The following CCDC91 variants were observed in gnomAD, a reference collection of about 807,000 sequenced individuals.
CCDC91 encodes coiled-coil domain containing 91.
A neutral mutation model predicts 63.2 loss-of-function variants in CCDC91; 48 were observed. The observed-to-expected ratio is 0.76, with a 90% confidence interval of 0.60 to 0.97. The LOEUF (loss-of-function observed/expected upper bound fraction) is 0.97, where lower values mean the gene tolerates loss of function less well. Ranked by LOEUF, CCDC91 falls within the 50% of genes least tolerant of loss-of-function variation. The pLI is 0.00. For synonymous variants in CCDC91, 167 were observed against 165.8 expected (o/e 1.01, Z -0.06); for missense variants, 500 against 494.6 (o/e 1.01, Z -0.10).
intron 12 of CCDC91, among the ~76,000 whole-genome samples, chr12:28,508,059 A>G (rs977565257): frequency 1.3e-5 from 2 of 151,942 alleles, no homozygotes; most frequent in Non-Finnish European, 2.9e-5. Context: ...GAGGGACTCA[A>G]CTGAGTACCA....
chr12:28,261,233 A>T (rs1946804195), intron 3 of CCDC91, among the ~76,000 whole-genome samples: 1 of 152,002 alleles, frequency 6.6e-6, no homozygotes, highest in African/African-American at 2.4e-5. Flanking sequence ...GACATGTATA[A>T]TATATTTAAG....
intron 3 of CCDC91, among the ~76,000 whole-genome samples, chr12:28,271,224 A>G (rs1377977725): frequency 6.6e-6 from 1 of 151,440 alleles, no homozygotes; most frequent in African/African-American, 2.5e-5. Context: ...AGGGAAACAG[A>G]GAGCATGTTT....
At chr12:28,469,260 A>G (rs1456592613) in intron 11 of CCDC91, among the ~76,000 whole-genome samples, 1 of 152,154 alleles carries the variant, frequency 6.6e-6, no homozygotes, top group Admixed American at 6.5e-5. Flanking sequence ...CAAAATCAAC[A>G]TACAAAAGTC....
chr12:28,259,705 T>G (rs1946700611), intron 3 of CCDC91, among the ~76,000 whole-genome samples: 1 of 151,920 alleles, frequency 6.6e-6, no homozygotes, highest in African/African-American at 2.4e-5. Flanking sequence ...ATTTTTAAAT[T>G]TATCTTAGTT....
intron 6 of CCDC91, among the ~76,000 whole-genome samples, chr12:28,357,534 A>G (rs147950013): frequency 6.6e-6 from 1 of 152,106 alleles, no homozygotes; most frequent in African/African-American, 2.4e-5. Context: ...TGTTTTATTG[A>G]GTTATATACA....
In CCDC91 at chr12:28,362,452, A is replaced by G; in HGVS notation, c.591A>G (p.Gln197=). The change falls in exon 7 of 13, where the codon CAA becomes CAG. Residue 197 remains glutamine (Q), a synonymous_variant. Transcript: ENST00000536442. ...TTTTCTTTCAGGAAAAACATAAACA[A>G]GAATTGGAAGACATGAGGAAAGCTG... ...RYKELQEKHK[Q]ELEDMRKAGH... is the part of the protein sequence containing the mutation. 6.3e-7 allele frequency: 1 copy of G among 1,586,980 alleles called. No individual in the cohort carries two copies. The highest frequency in any genetic ancestry group is 8.6e-7 in the Non-Finnish European group (1 of 1,166,070).
In CCDC91 at chr12:28,383,610, G is replaced by A. The variant is rs76494117; in HGVS notation, c.655-7694G>A. On this transcript the variant is annotated intron_variant, in intron 7 of 12. Coordinates refer to ENST00000536442, the MANE Select transcript of CCDC91 (RefSeq NM_018318.5). ...CCTAACTTCTGCCTGGCTGGGCTGC[G>A]GGAGACCATGATCCTGGACTTGAAT... is the stretch of plus-strand genomic sequence containing the variant. 9.2e-3 allele frequency among the ~76,000 whole-genome samples: 1,405 copies of A among 152,100 alleles called. 27 individuals are homozygous for A. The highest frequency in any genetic ancestry group is 0.032 in the African/African-American group (1,331 of 41,504).
intron 7 of CCDC91, among the ~76,000 whole-genome samples, chr12:28,370,446 G>A (rs888292148): frequency 2.0e-5 from 3 of 152,184 alleles, no homozygotes; most frequent in Non-Finnish European, 2.9e-5. Flanking sequence ...GACCACCTCA[G>A]CGTGGGCTTC....
intron 8 of CCDC91, among the ~76,000 whole-genome samples, chr12:28,419,228 G>C (rs2139872345): frequency 6.6e-6 from 1 of 152,226 alleles, no homozygotes; most frequent in Non-Finnish European, 1.5e-5. Context: ...AGTAAGAAAA[G>C]GATAAGCCCA....
At chr12:28,253,404 C>T (rs1239828301) in intron 1 of CCDC91, among the ~76,000 whole-genome samples, 1 of 152,194 alleles carries the variant, frequency 6.6e-6, no homozygotes, top group Non-Finnish European at 1.5e-5. Flanking sequence ...AGACCCTCAG[C>T]TTTACCCTGT....
chr12:28,327,636 C>T (rs184431697), intron 6 of CCDC91, among the ~76,000 whole-genome samples: 95 of 152,178 alleles, frequency 6.2e-4, no homozygotes, highest in African/African-American at 2.2e-3. Flanking sequence ...TTTCTTTTGC[C>T]TATTAAACCT....
chr12:28,305,801 G>C lies in CCDC91; in HGVS notation c.262G>C (p.Ala88Pro). ...CATTGTGAGTCAAACTATTCCAAAAGCACAGGTAAAGACAAACATATTTTT... is the reference window on the plus strand; with the variant it reads ...CATTGTGAGTCAAACTATTCCAAAACCACAGGTAAAGACAAACATATTTTT... The part of the protein sequence containing the change: ...NSIVSQTIPK[A>P]QIQQSTHTHL... The change falls in exon 4 of 13, where the codon GCA becomes CCA. Residue 88 changes from alanine (A) to proline (P), a missense_variant. Transcript: ENST00000536442. The C allele has an allele frequency of 6.2e-7, 1 of 1,611,126 alleles. No individual in the cohort carries two copies. Among genetic ancestry groups the C allele is most frequent in the Non-Finnish European group, 8.5e-7 (1 of 1,178,322 alleles).
At chr12:28,227,659 T>A (rs1944355077) in intron 1 of CCDC91, among the ~76,000 whole-genome samples, 1 of 152,082 alleles carries the variant, frequency 6.6e-6, no homozygotes, top group African/African-American at 2.4e-5. Context: ...TTAGTTTTCC[T>A]TTTCCTTATT....
rs141220566 is a variant in CCDC91 at position 28,339,530 on chromosome 12, A to G, written c.577-22908A>G. ...CGACTGTGGATCAAAAATATTTGGG[A>G]AAAAAAAAACAATAAAAATAATATA... is the stretch of plus-strand genomic sequence containing the variant. On this transcript the variant is annotated intron_variant, in intron 6 of 12. Coordinates refer to ENST00000536442, the MANE Select transcript of CCDC91 (RefSeq NM_018318.5). Among the ~76,000 whole-genome samples, 232 of 144,578 alleles carry G rather than the reference A, an allele frequency of 1.6e-3. 2 individuals are homozygous for G. Among genetic ancestry groups the G allele is most frequent in the African/African-American group, 5.9e-3 (221 of 37,378 alleles). 94.8% of individuals were successfully genotyped at this position (144,578 alleles called of 152,430 possible). A position where few individuals can be genotyped will look rare whatever the true frequency, so the allele number is the denominator to read the frequency against.
intron 3 of CCDC91, among the ~76,000 whole-genome samples, chr12:28,303,550 A>G (rs1938317304): frequency 1.3e-5 from 2 of 152,174 alleles, no homozygotes; most frequent in African/African-American, 4.8e-5. Context: ...TAAATATTAA[A>G]ATAGGTGTTA....
chr12:28,333,084 T>C (rs1440586012), intron 6 of CCDC91, among the ~76,000 whole-genome samples: 1 of 152,098 alleles, frequency 6.6e-6, no homozygotes, highest in Non-Finnish European at 1.5e-5. Context: ...AATGTGTATG[T>C]TGGGCAACTG....
At chr12:28,548,417 G>T (rs1157683593) in intron 12 of CCDC91, among the ~76,000 whole-genome samples, 2 of 151,908 alleles carry the variant, frequency 1.3e-5, no homozygotes, top group African/African-American at 2.4e-5. Flanking sequence ...TTACAGGTGT[G>T]CACCACCATG....
chr12:28,388,089 G>T (rs887802578), intron 7 of CCDC91, among the ~76,000 whole-genome samples: 1 of 152,082 alleles, frequency 6.6e-6, no homozygotes, highest in African/African-American at 2.4e-5. Context: ...GAGTAAGATG[G>T]TATTGCATTG....
intron 7 of CCDC91, among the ~76,000 whole-genome samples, chr12:28,379,536 A>G (rs1945159522): frequency 6.6e-6 from 1 of 152,080 alleles, no homozygotes; most frequent in South Asian, 2.1e-4. Flanking sequence ...ACATCTATGC[A>G]GCCAACAGAC....
Sources: gnomAD v4.1 joint callset for allele counts (sites outside exome capture counted in the v4.1 genomes callset) on GRCh38, gnomAD v4.1.1 for gene constraint, MANE v1.5 for transcripts, NCBI Gene and HGNC (gene_info 2026-07-23, HGNC 2026-07-21) for gene names.